The following LYG1 variants were observed in gnomAD, a reference collection of about 807,000 sequenced individuals.
The protein encoded by LYG1 is lysozyme g-like protein 1.
Under a neutral mutation model 21.7 loss-of-function variants are expected in LYG1, and 17 were observed. The ratio of observed to expected loss-of-function variants is 0.78; its 90% confidence interval spans 0.54 to 1.18. The LOEUF (loss-of-function observed/expected upper bound fraction) is 1.18. Ranked by LOEUF, LYG1 falls within the 50% of genes most tolerant of loss-of-function variation. The pLI is 0.00. For missense variants in LYG1, 211 were observed against 238.1 expected (o/e 0.89, Z 0.75); for synonymous variants, 81 against 87.4 (o/e 0.93, Z 0.41).
intron 3 of LYG1, among the ~76,000 whole-genome samples, chr2:99,295,230 T>C (rs537878842): frequency 2.4e-4 from 37 of 152,374 alleles, no homozygotes; most frequent in African/African-American, 8.9e-4. Context: ...GTGTACTCGG[T>C]TGCCTTGATT....
chr2:99,292,583 G>C lies in LYG1; in HGVS notation c.101C>G (p.Pro34Arg). 1 of 1,614,172 alleles carries C rather than the reference G, an allele frequency of 6.2e-7. No individual in the cohort carries two copies. Among genetic ancestry groups the C allele is most frequent in the East Asian group, 2.2e-5 (1 of 44,884 alleles). ...CYGNIQSLDT[P>R]GASCGIGRRH... Reference sequence around the variant, plus strand: ...TCTTCCAATCCCACAAGATGCTCCAGGGGTGTCCAGGCTTTGGATGTTTCC... The same window carrying C: ...TCTTCCAATCCCACAAGATGCTCCACGGGTGTCCAGGCTTTGGATGTTTCC... Residue 34 changes from proline to arginine, a missense_variant, in exon 4 of 7, where the codon CCT becomes CGT. Pro to Arg is a moderately radical substitution (Grantham distance 103). Transcript: ENST00000308528.
In LYG1 at chr2:99,292,419, C is replaced by T. The variant is rs554888729; in HGVS notation, c.148+117G>A. ...TGCAGGGGCAGCTAAGTGACTTGTT[C>T]AAGAAGCAGAGCTTTGGGACCCCAT... On this transcript the variant is annotated intron_variant, in intron 4 of 6. Transcript: ENST00000308528. 8.1e-6 allele frequency: 6 copies of T among 737,836 alleles called. No individual in the cohort carries two copies. In the South Asian group the frequency reaches 1.0e-4, roughly 13 times the overall value. 45.7% of individuals were successfully genotyped at this position (737,836 alleles called of 1,614,324 possible).
Position 99,284,819 on chromosome 2 carries a change from T to A in LYG1, c.335A>T (p.Asp112Val). The A allele has an allele frequency of 6.2e-7, 1 of 1,612,522 alleles. No individual in the cohort carries two copies. The highest frequency in any genetic ancestry group is 8.5e-7 in the Non-Finnish European group (1 of 1,179,756). ...GGATGTGGGAGCTTGAGAGCCAGGGTCCTGCAGGGAAGGAGGCAGAGAAGA... is the reference window on the plus strand; with the variant it reads ...GGATGTGGGAGCTTGAGAGCCAGGGACCTGCAGGGAAGGAGGCAGAGAAGA... ...NMGDRTSMVQ[D>V]PGSQAPTSWI... The change falls in exon 6 of 7, where the codon GAC (aspartate) becomes GTC (valine). Residue 112 changes from aspartate to valine, a missense_variant and splice_region_variant. By Grantham distance (152) the Asp-to-Val change is radical (BLOSUM62 -3). Coordinates refer to ENST00000308528, the MANE Select transcript of LYG1 (RefSeq NM_174898.3).
intron 1 of LYG1, among the ~76,000 whole-genome samples, chr2:99,299,605 A>G (rs2094148193): frequency 6.6e-6 from 1 of 151,596 alleles, no homozygotes; most frequent in African/African-American, 2.4e-5. Flanking sequence ...TTGTATTTTT[A>G]GTAAAGACGG....
chr2:99,292,011 G>A (rs1270108124), intron 4 of LYG1, among the ~76,000 whole-genome samples: 1 of 152,126 alleles, frequency 6.6e-6, no homozygotes, highest in Non-Finnish European at 1.5e-5. Flanking sequence ...CCTCGGCCGG[G>A]CGCAGTGGCT....
At chr2:99,293,928 A>T (rs980248983) in intron 3 of LYG1, among the ~76,000 whole-genome samples, 1 of 151,990 alleles carries the variant, frequency 6.6e-6, no homozygotes, top group African/African-American at 2.4e-5. Context: ...TTAATTAATT[A>T]ATTAATTTAT....
intron 5 of LYG1, among the ~76,000 whole-genome samples, chr2:99,287,726 T>C (rs2094104975): frequency 6.6e-6 from 1 of 152,198 alleles, no homozygotes. Flanking sequence ...TGTGTGCATG[T>C]ATTTTAAATT....
intron 1 of LYG1, among the ~76,000 whole-genome samples, chr2:99,299,683 C>T (rs2094148418): frequency 6.6e-6 from 1 of 151,834 alleles, no homozygotes; most frequent in Non-Finnish European, 1.5e-5. Flanking sequence ...CCTCAGCCTC[C>T]CAAAGTGCTG....
chr2:99,302,606 A>T (rs771434665), upstream of LYG1, among the ~76,000 whole-genome samples: 65 of 152,186 alleles, frequency 4.3e-4, 2 homozygotes, highest in Non-Finnish European at 1.3e-4. Flanking sequence ...TCCTTATGGC[A>T]CATAAGGGGT....
At chr2:99,292,758 C>T in intron 3 of LYG1, 118 bp from the exon 4 acceptor site, 4 of 663,942 alleles carry the variant, frequency 6.0e-6, no homozygotes, top group Non-Finnish European at 1.1e-5. Context: ...ATCACCTTCA[C>T]TCTGCAATTG....
rs1395533057 is a variant in LYG1 at position 99,284,518 on chromosome 2, T to G, written c.467-7A>C. On this transcript the variant is annotated splice_region_variant and splice_polypyrimidine_tract_variant and intron_variant, in intron 6 of 6. Transcript: ENST00000308528. ...CTGTAGGCACAGAGTCCACCTGAAATGCATGAGATAGGTTAATGCTGACCT... is the reference window on the plus strand; with the variant it reads ...CTGTAGGCACAGAGTCCACCTGAAAGGCATGAGATAGGTTAATGCTGACCT... 3 of 1,613,678 alleles carry G rather than the reference T, an allele frequency of 1.9e-6. No homozygotes were observed. The highest frequency in any genetic ancestry group is 1.7e-6 in the Non-Finnish European group (2 of 1,179,762).
chr2:99,293,329 G>A (rs959743094), intron 3 of LYG1, among the ~76,000 whole-genome samples: 6 of 152,124 alleles, frequency 3.9e-5, no homozygotes, highest in Non-Finnish European at 8.8e-5. Context: ...GCACTTCTCC[G>A]TCAAATACTC....
At chr2:99,298,150 G>A (rs575511736) in intron 2 of LYG1, among the ~76,000 whole-genome samples, 7 of 152,164 alleles carry the variant, frequency 4.6e-5, no homozygotes, top group Non-Finnish European at 2.9e-5. Context: ...GACATCACTC[G>A]GGTGTGCTCA....
rs150644186 is a variant in LYG1 at position 99,297,082 on chromosome 2, T to C, written c.-33+1377A>G. Among the ~76,000 whole-genome samples, 4 of 152,360 alleles carry C rather than the reference T, an allele frequency of 2.6e-5. No individual in the cohort carries two copies. The East Asian group carries it at 7.7e-4, about 29-fold the overall frequency. ...AACTGAGGGGGCATATGCCCTTCAG[T>C]TGCAGTCATGCTTTTTGTTATTCTC... On this transcript the variant is annotated intron_variant, in intron 2 of 6. Coordinates refer to ENST00000308528, the MANE Select transcript of LYG1 (RefSeq NM_174898.3).
At chr2:99,291,149 G>C (rs961669986) in intron 5 of LYG1, 88 bp downstream of exon 5, 3 of 1,295,778 alleles carry the variant, frequency 2.3e-6, no homozygotes, top group African/African-American at 2.9e-5. Flanking sequence ...TTCATGCTGT[G>C]TTCTGTGAAG....
intron 6 of LYG1, 26 bp downstream of exon 6, chr2:99,284,662 C>A (rs764479166): frequency 6.2e-7 from 1 of 1,609,088 alleles, no homozygotes; most frequent in South Asian, 1.1e-5. Context: ...GTGCTTGAGA[C>A]AACTGACTGA....
In LYG1 at chr2:99,295,721, G is replaced by A. The variant is rs1559222859; in HGVS notation, c.-32-19C>T. The A allele has an allele frequency of 6.2e-7, 1 of 1,608,562 alleles. No homozygotes were observed. The highest frequency in any genetic ancestry group is 1.1e-5 in the South Asian group (1 of 90,954). The stretch of plus-strand genomic sequence containing the variant: ...TGAAACACTTTTAAAACAAAAATTA[G>A]CTTGAGAATACAAAAATATCAGTCA... On this transcript the variant is annotated intron_variant, in intron 2 of 6. Transcript: ENST00000308528.
At position 99,284,676 on chromosome 2, in the gene LYG1, C is replaced by T. The variant is rs372019049; in HGVS notation, c.466+12G>A. On this transcript the variant is annotated intron_variant, in intron 6 of 6. Coordinates refer to ENST00000308528, the MANE Select transcript of LYG1 (RefSeq NM_174898.3). ...TGTGCTTGAGACAACTGACTGATAG[C>T]GTTACACGTACCTCTCAGGTACTGG... The T allele has an allele frequency of 7.4e-5, 119 of 1,613,110 alleles. No individual in the cohort carries two copies. The African/African-American group carries it at 1.3e-3, about 18-fold the overall frequency.
intron 3 of LYG1, among the ~76,000 whole-genome samples, chr2:99,294,453 T>C (rs754276883): frequency 2.5e-4 from 38 of 152,164 alleles, no homozygotes; most frequent in Non-Finnish European, 5.1e-4. Flanking sequence ...AAGAAAAATG[T>C]GGAAATGAAA....
Sources: gnomAD v4.1 joint callset for allele counts (sites outside exome capture counted in the v4.1 genomes callset) on GRCh38, gnomAD v4.1.1 for gene constraint, MANE v1.5 for transcripts, NCBI Gene and HGNC (gene_info 2026-07-23, HGNC 2026-07-21) for gene names.